The following RETREG1 variants were observed in gnomAD, a reference collection of about 807,000 sequenced individuals.
RETREG1 encodes family with sequence similarity 134 member B.
A neutral mutation model predicts 54.8 loss-of-function variants in RETREG1; 44 were observed. The ratio of observed to expected loss-of-function variants is 0.80; its 90% CI spans 0.63 to 1.03. The LOEUF (loss-of-function observed/expected upper bound fraction) is 1.03, where lower values mean the gene tolerates loss of function less well. Ranked by LOEUF, RETREG1 falls within the 50% of genes least tolerant of loss-of-function variation. The probability of loss-of-function intolerance (pLI) is 0.00; values close to 1 mark genes in which losing one functional copy is unlikely to be tolerated. For missense variants in RETREG1, 554 were observed against 605.1 expected (o/e 0.92, Z 0.89); for synonymous variants, 217 against 238.5 (o/e 0.91, Z 0.83).
chr5:16,485,365 A>G (rs1167357151), intron 3 of RETREG1, among the ~76,000 whole-genome samples: 1 of 152,190 alleles, frequency 6.6e-6, no homozygotes, highest in Non-Finnish European at 1.5e-5. Flanking sequence ...TTTAAACATT[A>G]AGATGGAATA....
intron 1 of RETREG1, among the ~76,000 whole-genome samples, chr5:16,576,851 G>A (rs1439121215): frequency 1.3e-5 from 2 of 152,112 alleles, no homozygotes; most frequent in Non-Finnish European, 1.5e-5. Context: ...TCTTAACCTT[G>A]TGATCCCCCC....
intron 1 of RETREG1, among the ~76,000 whole-genome samples, chr5:16,589,010 C>G (rs929906169): frequency 6.6e-6 from 1 of 152,188 alleles, no homozygotes. Context: ...AAAGCTGACC[C>G]GGGTCACTCC....
chr5:16,498,677 A>C (rs543987159), intron 3 of RETREG1, among the ~76,000 whole-genome samples: 4 of 152,158 alleles, frequency 2.6e-5, no homozygotes, highest in Non-Finnish European at 5.9e-5. Flanking sequence ...GTGCCACTGC[A>C]CTCCAGCCTG....
At chr5:16,511,365 A>AT (rs1271657824) in intron 3 of RETREG1, among the ~76,000 whole-genome samples, 1 of 152,186 alleles carries the variant, frequency 6.6e-6, no homozygotes, top group Non-Finnish European at 1.5e-5. Context: ...CTACCCAACC[A>AT]TAGGCTGATG....
intron 3 of RETREG1, among the ~76,000 whole-genome samples, chr5:16,498,490 A>T (rs1158350944): frequency 1.3e-5 from 2 of 152,216 alleles, no homozygotes; most frequent in Admixed American, 6.5e-5. Flanking sequence ...AGGCGGATGG[A>T]TTGTTTGAGC....
intron 3 of RETREG1, among the ~76,000 whole-genome samples, chr5:16,523,762 C>T (rs1440977237): frequency 6.6e-6 from 1 of 152,050 alleles, no homozygotes; most frequent in African/African-American, 2.4e-5. Context: ...CAAGGAAGAC[C>T]TGCCTCTCCC....
chr5:16,527,645 T>TG (rs1740755012), intron 3 of RETREG1, among the ~76,000 whole-genome samples: 1 of 152,106 alleles, frequency 6.6e-6, no homozygotes, highest in Non-Finnish European at 1.5e-5. Context: ...TAATTCTTTC[T>TG]GGGGGTGTGA....
chr5:16,605,472 C>T (rs1402521672), intron 1 of RETREG1, among the ~76,000 whole-genome samples: 1 of 152,190 alleles, frequency 6.6e-6, no homozygotes, highest in African/African-American at 2.4e-5. Context: ...CAGGCATCTC[C>T]AGGCATCTAG....
At chr5:16,484,122 A>G (rs1738925465) in intron 3 of RETREG1, among the ~76,000 whole-genome samples, 1 of 152,134 alleles carries the variant, frequency 6.6e-6, no homozygotes, top group South Asian at 2.1e-4. Flanking sequence ...CTATTTTTCC[A>G]GAGTACATTT....
At position 16,506,675 on chromosome 5, in the gene RETREG1, G is replaced by A. The variant is rs79249115; in HGVS notation, c.459-23203C>T. On this transcript the variant is annotated intron_variant, in intron 3 of 8. Coordinates refer to ENST00000306320, the MANE Select transcript of RETREG1 (RefSeq NM_001034850.3). ...TGCTGGGATTACAGGTGTGAGCCACGGCACCAGGCCAGTTGTAATCTTTTA... is the reference window on the plus strand; with the variant it reads ...TGCTGGGATTACAGGTGTGAGCCACAGCACCAGGCCAGTTGTAATCTTTTA... 7.9e-5 allele frequency among the ~76,000 whole-genome samples: 12 copies of A among 152,032 alleles called. No individual in the cohort carries two copies. In the East Asian group the frequency reaches 1.2e-3, roughly 15 times the overall value.
chr5:16,477,966 C>T, intron 7 of RETREG1, 68 bp downstream of exon 7: 1 of 1,363,940 alleles, frequency 7.3e-7, no homozygotes, highest in Non-Finnish European at 1.0e-6. Flanking sequence ...GATCATTCAG[C>T]TTTGTATGCA....
At chr5:16,560,331 G>A (rs1179511636) in intron 3 of RETREG1, among the ~76,000 whole-genome samples, 1 of 152,122 alleles carries the variant, frequency 6.6e-6, no homozygotes, top group Non-Finnish European at 1.5e-5. Context: ...TCTACATAAC[G>A]AGCCATTAGG....
intron 3 of RETREG1, among the ~76,000 whole-genome samples, chr5:16,532,048 C>T (rs900952943): frequency 6.6e-5 from 10 of 152,158 alleles, no homozygotes; most frequent in Admixed American, 5.9e-4. Flanking sequence ...GGAAACCTTC[C>T]TTAACTGACA....
chr5:16,612,758 A>G (rs1743385236), intron 1 of RETREG1, among the ~76,000 whole-genome samples: 1 of 152,126 alleles, frequency 6.6e-6, no homozygotes. Context: ...TTCATATTTC[A>G]GTATTTTTCA....
intron 1 of RETREG1, among the ~76,000 whole-genome samples, chr5:16,584,853 A>C (rs1742583931): frequency 6.6e-6 from 1 of 152,232 alleles, no homozygotes; most frequent in South Asian, 2.1e-4. Flanking sequence ...TGGGGGGTAC[A>C]TTTCTTAAAC....
At chr5:16,573,869 C>G (rs1444710218) in intron 1 of RETREG1, among the ~76,000 whole-genome samples, 2 of 151,786 alleles carry the variant, frequency 1.3e-5, no homozygotes, top group African/African-American at 4.8e-5. Flanking sequence ...CTCAGCCGCC[C>G]AAGTAGCTGG....
At chr5:16,480,493 T>C (rs1287945181) in intron 5 of RETREG1, among the ~76,000 whole-genome samples, 1 of 152,104 alleles carries the variant, frequency 6.6e-6, no homozygotes, top group Non-Finnish European at 1.5e-5. Context: ...GGGATAGCTT[T>C]GTCATGTAGT....
intron 3 of RETREG1, among the ~76,000 whole-genome samples, chr5:16,489,989 T>C (rs983072339): frequency 6.6e-6 from 1 of 152,228 alleles, no homozygotes; most frequent in African/African-American, 2.4e-5. Flanking sequence ...AATTATATTT[T>C]TAATATATCA....
chr5:16,484,568 C>A (rs1287378802), intron 3 of RETREG1, among the ~76,000 whole-genome samples: 1 of 152,060 alleles, frequency 6.6e-6, no homozygotes, highest in Non-Finnish European at 1.5e-5. Flanking sequence ...TCCAGTAGCC[C>A]TAAGACAAAT....
Sources: allele counts gnomAD v4.1 joint callset (sites outside exome capture counted in the v4.1 genomes callset), GRCh38; gene constraint gnomAD v4.1.1; transcripts MANE v1.5; gene names NCBI Gene and HGNC (gene_info 2026-07-23, HGNC 2026-07-21).